The following PARM1 variants were observed in gnomAD, a reference collection of about 807,000 sequenced individuals.
PARM1 encodes prostate androgen-regulated mucin-like protein 1.
A neutral mutation model predicts 24.6 loss-of-function variants in PARM1; 14 were observed. The ratio of observed to expected loss-of-function variants is 0.57; its 90% CI spans 0.38 to 0.89. The LOEUF (loss-of-function observed/expected upper bound fraction) is 0.89. PARM1 is among the 40% of genes least tolerant of loss of function. PARM1 has a pLI of 0.00. For missense variants in PARM1, 362 were observed against 380.4 expected, an observed-to-expected ratio of 0.95 and a Z score of 0.40; for synonymous variants, 179 against 156.6, an observed-to-expected ratio of 1.14 and a Z score of -1.07.
Position 75,046,347 on chromosome 4 carries a change from T to G in PARM1, c.*100T>G. On this transcript the variant is annotated 3_prime_UTR_variant, in exon 4 of 4. Coordinates refer to ENST00000307428, the MANE Select transcript of PARM1 (RefSeq NM_015393.4). ...CCTGATGCGCATTGAACGACAATCT[T>G]AAGCCCTGTTTTGTTGGTATGGTTG... The G allele has an allele frequency of 1.3e-6, 1 of 755,640 alleles. No individual in the cohort carries two copies. The highest frequency in any genetic ancestry group is 2.2e-6 in the Non-Finnish European group (1 of 446,546). 46.8% of individuals were successfully genotyped at this position (755,640 alleles called of 1,614,324 possible).
At chr4:74,969,345 A>G (rs1278230266) in intron 1 of PARM1, 2 of 152,232 alleles carry the variant, frequency 1.3e-5, no homozygotes, top group African/African-American at 4.8e-5. Flanking sequence ...TTCTATTTTA[A>G]CATGTAAGAA....
chr4:75,025,508 C>T (rs1283268882), intron 2 of PARM1, among the ~76,000 whole-genome samples: 1 of 152,172 alleles, frequency 6.6e-6, no homozygotes, highest in Non-Finnish European at 1.5e-5. Flanking sequence ...AAAGAGGCTT[C>T]ATTCGTGTGG....
chr4:74,986,361 G>A (rs1471927833), intron 1 of PARM1, among the ~76,000 whole-genome samples: 2 of 152,144 alleles, frequency 1.3e-5, no homozygotes, highest in African/African-American at 4.8e-5. Context: ...GCTAATTACA[G>A]ATATTACAAA....
chr4:75,021,545 T>G (rs1299008748), intron 2 of PARM1, among the ~76,000 whole-genome samples: 4 of 152,164 alleles, frequency 2.6e-5, no homozygotes, highest in African/African-American at 7.2e-5. Context: ...TTGTACAGAT[T>G]ATTTTGTTAC....
chr4:74,935,084 G>A lies in PARM1; in HGVS notation c.43+1714G>A, dbSNP rs116654376. The stretch of plus-strand genomic sequence containing the variant: ...GAATATCACCCTTGACCCACCGCTA[G>A]AGCGAGGAGACTGGTGGGCCAGGGA... On this transcript the variant is annotated intron_variant, in intron 1 of 3. Coordinates refer to ENST00000307428, the MANE Select transcript of PARM1 (RefSeq NM_015393.4). 6.1e-3 allele frequency among the ~76,000 whole-genome samples: 907 copies of A among 149,596 alleles called. 15 individuals are homozygous for A. The highest frequency in any genetic ancestry group is 0.021 in the African/African-American group (853 of 40,796).
At chr4:74,979,681 C>T (rs1010283503) in intron 1 of PARM1, among the ~76,000 whole-genome samples, 1 of 152,104 alleles carries the variant, frequency 6.6e-6, no homozygotes, top group African/African-American at 2.4e-5. Context: ...AACTTCAGGC[C>T]AACATCCCTG....
intron 1 of PARM1, among the ~76,000 whole-genome samples, chr4:74,976,907 A>G (rs1722150115): frequency 6.6e-6 from 1 of 152,202 alleles, no homozygotes; most frequent in Admixed American, 6.5e-5. Flanking sequence ...ATATAAAGCA[A>G]CAACAACAAT....
chr4:74,942,021 G>C (rs1578021228), intron 1 of PARM1, among the ~76,000 whole-genome samples: 1 of 152,222 alleles, frequency 6.6e-6, no homozygotes, highest in Non-Finnish European at 1.5e-5. Flanking sequence ...TACCAACTCT[G>C]TGCTCTCAGT....
chr4:74,944,891 A>G (rs965415266), intron 1 of PARM1, among the ~76,000 whole-genome samples: 14 of 152,204 alleles, frequency 9.2e-5, no homozygotes, highest in African/African-American at 2.7e-4. Flanking sequence ...ATAAGAATGT[A>G]TCTGTCACCT....
In PARM1 at chr4:75,006,810, A is replaced by G. The variant is rs192572513; in HGVS notation, c.44-5615A>G. On this transcript the variant is annotated intron_variant, in intron 1 of 3. Transcript: ENST00000307428. The stretch of plus-strand genomic sequence containing the variant: ...AGGCAATACCATTCAGGACATAGGC[A>G]GGGGCAAGAACTTCATGACTAAAAC... Among the ~76,000 whole-genome samples the G allele has an allele frequency of 5.5e-4, 84 of 152,322 alleles. No homozygotes were observed. In the East Asian group the frequency reaches 8.9e-3, roughly 16 times the overall value.
chr4:75,002,947 G>T (rs2109788078), intron 1 of PARM1, among the ~76,000 whole-genome samples: 1 of 152,344 alleles, frequency 6.6e-6, no homozygotes, highest in East Asian at 1.9e-4. Flanking sequence ...TACATATTTA[G>T]ACATGCTTTG....
intron 1 of PARM1, among the ~76,000 whole-genome samples, chr4:74,983,389 C>T (rs1216289765): frequency 1.3e-5 from 2 of 152,198 alleles, no homozygotes; most frequent in Non-Finnish European, 2.9e-5. Context: ...CTGCATCATT[C>T]TTGCATCTGT....
At chr4:75,018,608 G>T (rs1723030838) in intron 2 of PARM1, among the ~76,000 whole-genome samples, 1 of 152,134 alleles carries the variant, frequency 6.6e-6, no homozygotes, top group Admixed American at 6.5e-5. Context: ...TCATACTATG[G>T]TAATTATTTA....
chr4:74,981,526 G>T (rs907613440), intron 1 of PARM1, among the ~76,000 whole-genome samples: 4 of 152,262 alleles, frequency 2.6e-5, no homozygotes, highest in East Asian at 1.9e-4. Flanking sequence ...TTACACTGTT[G>T]GTGGGAATGT....
Position 75,046,164 on chromosome 4 carries a change from C to G in PARM1, c.850C>G (p.His284Asp). ...FGVAAYLKIR[H>D]SSYGRLLDDH... ...AACCCTCTTCTGTTTCTCCACCAGG[C>G]ATTCCTCCTATGGAAGACTTTTGGA... Residue 284 changes from histidine (H) to aspartate (D), a missense_variant and splice_region_variant, in exon 4 of 4, where the codon CAT becomes GAT. His to Asp is a moderately conservative substitution (Grantham distance 81, BLOSUM62 -1). Transcript: ENST00000307428. 3 of 1,608,310 alleles carry G rather than the reference C, an allele frequency of 1.9e-6. No individual in the cohort carries two copies. Among genetic ancestry groups the G allele is most frequent in the Non-Finnish European group, 2.6e-6 (3 of 1,174,786 alleles).
chr4:74,989,072 A>G (rs1421959021), intron 1 of PARM1, among the ~76,000 whole-genome samples: 1 of 152,050 alleles, frequency 6.6e-6, no homozygotes, highest in Non-Finnish European at 1.5e-5. Flanking sequence ...TTTTTTTCGT[A>G]TTCTCTTTTA....
intron 1 of PARM1, among the ~76,000 whole-genome samples, chr4:74,964,142 G>C (rs1311590738): frequency 6.6e-6 from 1 of 152,118 alleles, no homozygotes; most frequent in African/African-American, 2.4e-5. Flanking sequence ...GAGCAGGGAT[G>C]GATAGCTAAG....
chr4:75,014,236 A>G (rs1233749374), intron 2 of PARM1, among the ~76,000 whole-genome samples: 1 of 152,244 alleles, frequency 6.6e-6, no homozygotes, highest in Non-Finnish European at 1.5e-5. Flanking sequence ...GATAGAACTA[A>G]GATTAATGAA....
chr4:75,016,360 A>G lies in PARM1; in HGVS notation c.769+3210A>G, dbSNP rs565953434. ...TGTTGAATAATCCAGTGCCCTCTAC[A>G]TTGCCAGATCTAAGGGTAAATTCTT... On this transcript the variant is annotated intron_variant, in intron 2 of 3. Coordinates refer to ENST00000307428, the MANE Select transcript of PARM1 (RefSeq NM_015393.4). Among the ~76,000 whole-genome samples, 14 of 151,302 alleles carry G rather than the reference A, an allele frequency of 9.3e-5. 1 individual carries two copies. In the East Asian group the frequency reaches 1.2e-3, roughly 13 times the overall value.
Sources: allele counts gnomAD v4.1 joint callset (sites outside exome capture counted in the v4.1 genomes callset), GRCh38; gene constraint gnomAD v4.1.1; transcripts MANE v1.5; gene names NCBI Gene and HGNC (gene_info 2026-07-23, HGNC 2026-07-21).